The following MSH3 variants were observed in gnomAD, a reference collection of about 807,000 sequenced individuals.
MSH3 encodes mutS homolog 3.
A neutral mutation model predicts 123.3 loss-of-function variants in MSH3; 106 were observed. That is an observed-to-expected ratio of 0.86 (90% CI 0.73 to 1.01). MSH3 has a LOEUF of 1.01. Ranked by LOEUF, MSH3 falls within the 50% of genes least tolerant of loss-of-function variation. The probability of loss-of-function intolerance (pLI) is 0.00; values close to 1 mark genes in which losing one functional copy is unlikely to be tolerated. For synonymous variants in MSH3, 515 were observed against 481.4 expected (o/e 1.07, Z -0.91); for missense variants, 1,459 against 1,347.6 (o/e 1.08, Z -1.29).
chr5:80,741,366 T>G lies in MSH3; in HGVS notation c.1569-98T>G, dbSNP rs1387853078. The G allele has an allele frequency of 7.5e-6, 6 of 794,768 alleles. No individual in the cohort carries two copies. The East Asian group carries it at 1.5e-4, about 20-fold the overall frequency. The allele number at this position is 794,768 out of a possible 1,614,324, so 49.2% of individuals were successfully genotyped here. ...TTGATTTTCTATCAGAATGCTAATT[T>G]TTGCCATAATGTAGCTGGCATGTTT... On this transcript the variant is annotated intron_variant, in intron 10 of 23. Coordinates refer to ENST00000265081, the MANE Select transcript of MSH3 (RefSeq NM_002439.5).
At chr5:80,736,744 C>CT (rs1554070794) in intron 10 of MSH3, among the ~76,000 whole-genome samples, 2 of 152,156 alleles carry the variant, frequency 1.3e-5, no homozygotes, top group Non-Finnish European at 2.9e-5. Flanking sequence ...TGCTGAGTCT[C>CT]TAATGAGTTC....
chr5:80,677,983 C>T (rs1561439170), intron 7 of MSH3, among the ~76,000 whole-genome samples: 1 of 152,152 alleles, frequency 6.6e-6, no homozygotes, highest in Non-Finnish European at 1.5e-5. Context: ...GCCTGAGTTT[C>T]TCCAGAGTAT....
chr5:80,716,252 A>G (rs836795), intron 8 of MSH3, among the ~76,000 whole-genome samples: 36,618 of 152,118 alleles, frequency 0.24, 4,515 homozygotes, highest in Middle Eastern at 0.32. Context: ...CAACTGCTTT[A>G]TATTTATTTC....
intron 4 of MSH3, 63 bp from the exon 5 acceptor site, chr5:80,672,181 C>A: frequency 1.7e-6 from 2 of 1,170,838 alleles, no homozygotes; most frequent in Non-Finnish European, 2.5e-6. Context: ...ATAAAGTGAA[C>A]CAACATCACA....
chr5:80,866,724 T>C (rs1280286010), intron 22 of MSH3, among the ~76,000 whole-genome samples: 1 of 152,232 alleles, frequency 6.6e-6, no homozygotes, highest in Non-Finnish European at 1.5e-5. Flanking sequence ...ACATGTATTG[T>C]ATGTCATTCA....
At chr5:80,663,320 T>A (rs1004724755) in intron 2 of MSH3, among the ~76,000 whole-genome samples, 59 of 152,190 alleles carry the variant, frequency 3.9e-4, no homozygotes, top group Admixed American at 1.2e-3. Flanking sequence ...AGCTATCAGG[T>A]AAAATTGGTT....
At chr5:80,828,921 G>A (rs1300557371) in intron 20 of MSH3, among the ~76,000 whole-genome samples, 1 of 152,190 alleles carries the variant, frequency 6.6e-6, no homozygotes, top group African/African-American at 2.4e-5. Context: ...ACAGTCAAGT[G>A]CCTGCAGCTT....
chr5:80,720,371 G>A lies in MSH3; in HGVS notation c.1341-5082G>A, dbSNP rs780235860. On this transcript the variant is annotated intron_variant, in intron 8 of 23. Coordinates refer to ENST00000265081, the MANE Select transcript of MSH3 (RefSeq NM_002439.5). ...TACCTTGGGGGCACCTTTTATACACGTTTTAGGTCTTCTTTGCCAACCTTT... is the reference window on the plus strand; with the variant it reads ...TACCTTGGGGGCACCTTTTATACACATTTTAGGTCTTCTTTGCCAACCTTT... Among the ~76,000 whole-genome samples, 129 of 151,982 alleles carry A rather than the reference G, an allele frequency of 8.5e-4. 1 individual carries two copies. Among genetic ancestry groups the A allele is most frequent in the Non-Finnish European group, 1.4e-3 (95 of 67,992 alleles).
chr5:80,721,933 T>C (rs1751090010), intron 8 of MSH3, among the ~76,000 whole-genome samples: 1 of 152,234 alleles, frequency 6.6e-6, no homozygotes, highest in Non-Finnish European at 1.5e-5. Flanking sequence ...ATCTTTTACA[T>C]ATGTCTACCA....
In MSH3 at chr5:80,667,726, C is replaced by G. The variant is rs532290006; in HGVS notation, c.579+2363C>G. 2.6e-5 allele frequency among the ~76,000 whole-genome samples: 4 copies of G among 152,288 alleles called. 1 individual carries two copies. In the South Asian group the frequency reaches 8.3e-4, roughly 32 times the overall value. On this transcript the variant is annotated intron_variant, in intron 3 of 23. Transcript: ENST00000265081. Reference sequence around the variant, plus strand: ...CCACAAACAGCTTCCACAGCTGGCACCAGGGAACACAGTGGCGCCCAGAAG... The same window carrying G: ...CCACAAACAGCTTCCACAGCTGGCAGCAGGGAACACAGTGGCGCCCAGAAG...
At chr5:80,730,894 A>ATTTT (rs59224150) in intron 10 of MSH3, among the ~76,000 whole-genome samples, 39 of 127,790 alleles carry the variant, frequency 3.1e-4, no homozygotes, top group African/African-American at 1.0e-3. Context: ...ATATATATAT[A>ATTTT]TTTTTTTTTT....
intron 20 of MSH3, among the ~76,000 whole-genome samples, chr5:80,833,040 T>G (rs1023402521): frequency 6.6e-6 from 1 of 152,190 alleles, no homozygotes; most frequent in Non-Finnish European, 1.5e-5. Flanking sequence ...TCCATGAAAG[T>G]GTTTTTTATT....
intron 10 of MSH3, among the ~76,000 whole-genome samples, chr5:80,734,400 A>G (rs1226822143): frequency 6.6e-6 from 1 of 152,180 alleles, no homozygotes; most frequent in Non-Finnish European, 1.5e-5. Flanking sequence ...ATTTTAATAT[A>G]CTAAATACCA....
intron 20 of MSH3, among the ~76,000 whole-genome samples, chr5:80,822,755 A>G (rs1745222966): frequency 6.6e-6 from 1 of 152,198 alleles, no homozygotes; most frequent in Admixed American, 6.5e-5. Flanking sequence ...CCCACACAGA[A>G]TGGGATAATG....
At chr5:80,768,311 G>T (rs1295462597) in intron 14 of MSH3, among the ~76,000 whole-genome samples, 191 bp downstream of exon 14, 1 of 152,066 alleles carries the variant, frequency 6.6e-6, no homozygotes, top group Non-Finnish European at 1.5e-5. Flanking sequence ...TAAAATTTAG[G>T]CAGTTTACCA....
In MSH3 at chr5:80,654,841, C is replaced by T. The variant is rs368081203; in HGVS notation, c.114C>T (p.Ser38=). ...FQSTGSLKST[S]SSTGAADQVD... The stretch of plus-strand genomic sequence containing the variant: ...CTACGGGAAGCCTGAAATCCACCTC[C>T]TCCTCCACAGGTGCAGCCGACCAGG... The change falls in exon 1 of 24, where the codon TCC becomes TCT. Residue 38 remains serine (S), a synonymous_variant. Coordinates refer to ENST00000265081, the MANE Select transcript of MSH3 (RefSeq NM_002439.5). The T allele has an allele frequency of 1.9e-6, 3 of 1,605,872 alleles. No homozygotes were observed. Among genetic ancestry groups the T allele is most frequent in the African/African-American group, 1.4e-5 (1 of 73,234 alleles).
At chr5:80,793,909 G>T (rs371664930) in intron 19 of MSH3, among the ~76,000 whole-genome samples, 1 of 152,176 alleles carries the variant, frequency 6.6e-6, no homozygotes, top group South Asian at 2.1e-4. Flanking sequence ...ATCTTATTCA[G>T]TAATACTCCT....
chr5:80,867,797 G>A (rs750265142), intron 22 of MSH3, among the ~76,000 whole-genome samples: 3 of 152,064 alleles, frequency 2.0e-5, no homozygotes, highest in Non-Finnish European at 4.4e-5. Flanking sequence ...ATAAATGTAA[G>A]TTCCTTATAG....
At chr5:80,676,942 G>A (rs542022857) in intron 7 of MSH3, among the ~76,000 whole-genome samples, 26 of 152,280 alleles carry the variant, frequency 1.7e-4, no homozygotes, top group African/African-American at 5.5e-4. Flanking sequence ...GAAAACAGCC[G>A]TTTGCCCTTC....
Sources: gnomAD v4.1 joint callset for allele counts (sites outside exome capture counted in the v4.1 genomes callset) on GRCh38, gnomAD v4.1.1 for gene constraint, MANE v1.5 for transcripts, NCBI Gene and HGNC (gene_info 2026-07-23, HGNC 2026-07-21) for gene names.